PAX5: variants seen among roughly 807,000 people sequenced by gnomAD.
PAX5 encodes the protein paired box protein Pax-5.
In PAX5, 9 loss-of-function variants were observed where a neutral mutation model predicts 43.7. The observed-to-expected ratio is 0.21, with a 90% CI of 0.12 to 0.36. The LOEUF is 0.36. PAX5 is among the 10% of genes least tolerant of loss of function. The pLI is 1.00. For synonymous variants in PAX5, 228 were observed against 214.3 expected, an observed-to-expected ratio of 1.06 and a Z score of -0.56; for missense variants, 383 against 532.7, an observed-to-expected ratio of 0.72 and a Z score of 2.77.
At position 36,838,367 on chromosome 9, in the gene PAX5, G is replaced by C. The variant is rs932963638; in HGVS notation, c.*2193C>G. 96 of 232,736 alleles carry C rather than the reference G, an allele frequency of 4.1e-4. No individual in the cohort carries two copies. The highest frequency in any genetic ancestry group is 6.6e-4 in the Non-Finnish European group (78 of 117,806). The allele number at this position is 232,736 out of a possible 1,614,324, so 14.4% of individuals were successfully genotyped here. ...ATAGGAGATGTGGATAGACCAGGGT[G>C]ACAGGGAACACCATGGGTTGGGGGT... On this transcript the variant is annotated 3_prime_UTR_variant, in exon 10 of 10. Coordinates refer to ENST00000358127, the MANE Select transcript of PAX5 (RefSeq NM_016734.3).
At position 36,839,703 on chromosome 9, in the gene PAX5, G is replaced by C. The variant is rs1821892633; in HGVS notation, c.*857C>G. The C allele has an allele frequency of 4.3e-6, 1 of 233,236 alleles. No individual in the cohort carries two copies. Among genetic ancestry groups the C allele is most frequent in the African/African-American group, 2.2e-5 (1 of 45,360 alleles). 14.4% of individuals were successfully genotyped at this position (233,236 alleles called of 1,614,324 possible). On this transcript the variant is annotated 3_prime_UTR_variant, in exon 10 of 10. Coordinates refer to ENST00000358127, the MANE Select transcript of PAX5 (RefSeq NM_016734.3). ...CAGATGATCTCCTGCGTCCCATCCAGCCCTCACATTCAAAGTCCACAATGT... is the reference window on the plus strand; with the variant it reads ...CAGATGATCTCCTGCGTCCCATCCACCCCTCACATTCAAAGTCCACAATGT...
At position 36,835,329 on chromosome 9, in the gene PAX5, AAGAC is replaced by A. The variant is rs1821565289; in HGVS notation, c.*5227_*5230del. The stretch of plus-strand genomic sequence containing the variant: ...GTGCTGAGGAATTACCAGAAAAGGA[AAGAC>A]AGGCTGGTGCCTGCCTGCTCCTGGC... On this transcript the variant is annotated 3_prime_UTR_variant, in exon 10 of 10. Coordinates refer to ENST00000358127, the MANE Select transcript of PAX5 (RefSeq NM_016734.3). 1 of 232,814 alleles carries A rather than the reference AAGAC, an allele frequency of 4.3e-6. No homozygotes were observed. Among genetic ancestry groups the A allele is most frequent in the African/African-American group, 2.2e-5 (1 of 45,464 alleles). The allele number at this position is 232,814 out of a possible 1,614,324, so 14.4% of individuals were successfully genotyped here. A position where few individuals can be genotyped will look rare whatever the true frequency, so the allele number is the denominator to read the frequency against.
intron 5 of PAX5, among the ~76,000 whole-genome samples, chr9:36,996,875 A>C (rs533296578): frequency 2.9e-4 from 44 of 152,328 alleles, no homozygotes; most frequent in Non-Finnish European, 5.4e-4. Flanking sequence ...AATGAGTGTG[A>C]GAGAAAGAGA....
At chr9:36,854,792 C>T (rs1823500100) in intron 8 of PAX5, among the ~76,000 whole-genome samples, 1 of 152,202 alleles carries the variant, frequency 6.6e-6, no homozygotes, top group African/African-American at 2.4e-5. Flanking sequence ...CAGCTCAGGC[C>T]AGCCACGAGG....
intron 5 of PAX5, among the ~76,000 whole-genome samples, chr9:36,974,019 A>C (rs571413030): frequency 2.0e-5 from 3 of 152,052 alleles, no homozygotes; most frequent in South Asian, 4.2e-4. Flanking sequence ...AATAATAATA[A>C]AATTTAAAAG....
chr9:36,909,642 C>A (rs1232509045), intron 7 of PAX5, among the ~76,000 whole-genome samples: 1 of 152,012 alleles, frequency 6.6e-6, no homozygotes. Context: ...CAGGGGCCAG[C>A]AGGTAAGGTA....
At chr9:36,902,552 G>C (rs1411776748) in intron 7 of PAX5, among the ~76,000 whole-genome samples, 5 of 152,354 alleles carry the variant, frequency 3.3e-5, no homozygotes, top group Non-Finnish European at 4.4e-5. Flanking sequence ...CTAGGCCACT[G>C]ATGGGCCCAG....
At chr9:36,952,234 C>CTTTT (rs138009049) in intron 6 of PAX5, among the ~76,000 whole-genome samples, 30,321 of 66,704 alleles carry the variant, frequency 0.45, 9,316 homozygotes, top group East Asian at 0.61. Flanking sequence ...GACCATCTCC[C>CTTTT]TTTTTTTTTT....
rs184505592 is a variant in PAX5, at chr9:36,839,034, G to C, written c.*1526C>G. On this transcript the variant is annotated 3_prime_UTR_variant, in exon 10 of 10. Coordinates refer to ENST00000358127, the MANE Select transcript of PAX5 (RefSeq NM_016734.3). ...CATCACTGTCATTCAGCCCAGGTTT[G>C]GACAAGGGCTCTACCTGGCTGTTCT... 30 of 233,312 alleles carry C rather than the reference G, an allele frequency of 1.3e-4. No individual in the cohort carries two copies. The East Asian group carries it at 1.7e-3, about 14-fold the overall frequency. 14.5% of individuals were successfully genotyped at this position (233,312 alleles called of 1,614,324 possible).
intron 6 of PAX5, among the ~76,000 whole-genome samples, chr9:36,951,027 C>G (rs1409311939): frequency 6.6e-6 from 1 of 152,122 alleles, no homozygotes; most frequent in East Asian, 1.9e-4. Context: ...CAGGCGTGAG[C>G]CACTGCATGA....
chr9:36,878,436 G>T (rs575408447), intron 8 of PAX5, among the ~76,000 whole-genome samples: 2 of 151,562 alleles, frequency 1.3e-5, no homozygotes, highest in Non-Finnish European at 2.9e-5. Context: ...TTCCCCCAGA[G>T]GGGGGGCCAT....
chr9:36,996,282 G>GTCACT (rs1356512326), intron 5 of PAX5, among the ~76,000 whole-genome samples: 2 of 152,256 alleles, frequency 1.3e-5, no homozygotes, highest in Non-Finnish European at 2.9e-5. Flanking sequence ...CTTGGCAGCT[G>GTCACT]TCACTTCACT....
chr9:36,981,151 C>T (rs1259647367), intron 5 of PAX5, among the ~76,000 whole-genome samples: 4 of 149,566 alleles, frequency 2.7e-5, no homozygotes, highest in African/African-American at 9.9e-5. Flanking sequence ...CAAACGTCAG[C>T]TCATCAGTAG....
At chr9:37,017,631 G>C (rs1839493066) in intron 2 of PAX5, among the ~76,000 whole-genome samples, 1 of 152,234 alleles carries the variant, frequency 6.6e-6, no homozygotes, top group Non-Finnish European at 1.5e-5. Context: ...AGTTGAATGG[G>C]ACTGCAACAT....
Position 36,838,669 on chromosome 9 carries a change from T to C in PAX5, c.*1891A>G. The C allele has an allele frequency of 4.3e-6, 1 of 232,762 alleles. No homozygotes were observed. The highest frequency in any genetic ancestry group is 8.5e-6 in the Non-Finnish European group (1 of 117,796). 14.4% of individuals were successfully genotyped at this position (232,762 alleles called of 1,614,324 possible). On this transcript the variant is annotated 3_prime_UTR_variant, in exon 10 of 10. Coordinates refer to ENST00000358127, the MANE Select transcript of PAX5 (RefSeq NM_016734.3). Reference sequence around the variant, plus strand: ...GTTCTTGTTTCCCACTTGGTCCAAATATTATTGGGCCTCAGGTGCCCACCC... The same window carrying C: ...GTTCTTGTTTCCCACTTGGTCCAAACATTATTGGGCCTCAGGTGCCCACCC...
chr9:36,951,399 T>C (rs1313123010), intron 6 of PAX5, among the ~76,000 whole-genome samples: 1 of 152,220 alleles, frequency 6.6e-6, no homozygotes, highest in Non-Finnish European at 1.5e-5. Context: ...GAGACTCTGT[T>C]GCCAAGTGCG....
chr9:36,905,256 T>C (rs1274781304), intron 7 of PAX5, among the ~76,000 whole-genome samples: 1 of 152,264 alleles, frequency 6.6e-6, no homozygotes, highest in Admixed American at 6.5e-5. Flanking sequence ...TGGCCGGCTC[T>C]CCATGAGCTC....
intron 6 of PAX5, among the ~76,000 whole-genome samples, chr9:36,939,332 C>T (rs1831828407): frequency 6.6e-6 from 1 of 152,096 alleles, no homozygotes; most frequent in Non-Finnish European, 1.5e-5. Context: ...TGTCCCCCAC[C>T]CCCAGTCAAG....
chr9:37,026,485 C>T (rs2132536924), intron 1 of PAX5: 2 of 1,307,554 alleles, frequency 1.5e-6, no homozygotes, highest in Middle Eastern at 2.1e-4. Context: ...GCACCCCCAA[C>T]CCGGTCCCGG....
Sources: gnomAD v4.1 joint callset for allele counts (sites outside exome capture counted in the v4.1 genomes callset) on GRCh38, gnomAD v4.1.1 for gene constraint, MANE v1.5 for transcripts, NCBI Gene and HGNC (gene_info 2026-07-23, HGNC 2026-07-21) for gene names.